Variants in CFAP276 observed in about 807,000 individuals in gnomAD.
The protein encoded by CFAP276 is cilia- and flagella-associated protein 276.
the CFAP276 span, chr1:109,106,723 A>G: frequency 6.5e-7 from 1 of 1,539,226 alleles, no homozygotes; most frequent in Non-Finnish European, 8.9e-7. Context: ...TGAGGAAGGC[A>G]AGGTAGTTGA....
chr1:109,113,558 C>G, the CFAP276 span: 4 of 1,499,126 alleles, frequency 2.7e-6, no homozygotes, highest in Non-Finnish European at 3.7e-6. Flanking sequence ...CTCTTCTAGC[C>G]GGTTGTAAAA....
At chr1:109,108,784 C>T in the CFAP276 span, among the ~76,000 whole-genome samples, 1 of 152,012 alleles carries the variant, frequency 6.6e-6, no homozygotes, top group Admixed American at 6.6e-5. Context: ...TGGAGTCAGG[C>T]CAAAAGGGAA....
the CFAP276 span, chr1:109,107,226 T>A: frequency 6.1e-6 from 5 of 823,610 alleles, no homozygotes; most frequent in Non-Finnish European, 1.0e-5. Flanking sequence ...GTGAAGGCTC[T>A]CTTGGGCCTG....
the CFAP276 span, among the ~76,000 whole-genome samples, chr1:109,107,696 C>T: frequency 4.0e-5 from 6 of 149,360 alleles, no homozygotes; most frequent in Non-Finnish European, 8.8e-5. Flanking sequence ...TGAGATCAGC[C>T]TGAGCAACAT....
chr1:109,106,534 C>G, the CFAP276 span: 4 of 1,613,786 alleles, frequency 2.5e-6, no homozygotes, highest in Non-Finnish European at 3.4e-6. Context: ...CTAACCCTTA[C>G]CTATGGATCC....
chr1:109,106,059 C>G, the CFAP276 span: 1 of 1,613,716 alleles, frequency 6.2e-7, no homozygotes, highest in Non-Finnish European at 8.5e-7. Context: ...ATCTTTCTTT[C>G]GGGAGTAGCC....
At chr1:109,110,199 C>T in the CFAP276 span, among the ~76,000 whole-genome samples, 10 of 152,186 alleles carry the variant, frequency 6.6e-5, no homozygotes, top group East Asian at 1.9e-4. Flanking sequence ...ATTCTGCATA[C>T]GCTCTCTTCT....
the CFAP276 span, chr1:109,106,447 TC>T: frequency 6.7e-7 from 1 of 1,494,144 alleles, no homozygotes; most frequent in Non-Finnish European, 9.1e-7. Flanking sequence ...TTCCCTACTG[TC>T]CAATCACCTT....
chr1:109,112,458 G>C, the CFAP276 span: 2 of 1,237,360 alleles, frequency 1.6e-6, no homozygotes, highest in Non-Finnish European at 2.2e-6. Flanking sequence ...GAGATAGGGA[G>C]GCAGGCAGAA....
At chr1:109,112,715 G>A in the CFAP276 span, 1 of 1,547,050 alleles carries the variant, frequency 6.5e-7, no homozygotes, top group African/African-American at 1.4e-5. Context: ...GGGATGGGAG[G>A]CCCGCTCAGC....
the CFAP276 span, chr1:109,113,811 C>T: frequency 2.1e-6 from 2 of 971,130 alleles, no homozygotes; most frequent in Non-Finnish European, 3.1e-6. Flanking sequence ...GTTCTTCACA[C>T]GAGCCCCGGG....
At chr1:109,108,004 G>C in the CFAP276 span, 9 of 1,583,526 alleles carry the variant, frequency 5.7e-6, no homozygotes, top group African/African-American at 9.6e-5. Flanking sequence ...TCCTGCTGCT[G>C]AGCAAGGTGT....
chr1:109,109,293 C>G, the CFAP276 span, among the ~76,000 whole-genome samples: 1 of 151,520 alleles, frequency 6.6e-6, no homozygotes, highest in African/African-American at 2.4e-5. Context: ...TACTAAAATA[C>G]AAAAATTAGC....
the CFAP276 span, chr1:109,108,008 A>G: frequency 7.6e-6 from 12 of 1,582,500 alleles, no homozygotes; most frequent in Non-Finnish European, 1.0e-5. Flanking sequence ...GCTGCTGAGC[A>G]AGGTGTGTTG....
the CFAP276 span, among the ~76,000 whole-genome samples, chr1:109,111,545 C>T: frequency 6.6e-6 from 1 of 151,958 alleles, no homozygotes; most frequent in Non-Finnish European, 1.5e-5. Context: ...GCATGGTGTA[C>T]ACAGCACACC....
the CFAP276 span, among the ~76,000 whole-genome samples, chr1:109,113,423 A>AGGGAGGGAGGGAGG: frequency 1.6e-5 from 1 of 62,686 alleles, no homozygotes; most frequent in African/African-American, 4.8e-5. Context: ...AGAAAGAGAG[A>AGGGAGGGAGGGAGG]GAGAGAGAGA....
chr1:109,110,420 G>A, the CFAP276 span, among the ~76,000 whole-genome samples: 153 of 152,290 alleles, frequency 1.0e-3, no homozygotes, highest in African/African-American at 3.5e-3. Context: ...CTGTGGCCAG[G>A]TCAGGTGGAT....
At chr1:109,106,484 A>G in the CFAP276 span, 1 of 1,593,226 alleles carries the variant, frequency 6.3e-7, no homozygotes, top group Admixed American at 1.8e-5. Flanking sequence ...GGGTCCATTT[A>G]GAAAGACTCC....
the CFAP276 span, among the ~76,000 whole-genome samples, chr1:109,108,725 C>G: frequency 1.3e-5 from 2 of 152,116 alleles, no homozygotes; most frequent in Non-Finnish European, 2.9e-5. Context: ...TGGAGGAGAG[C>G]TCAGAAGTCT....
Sources: allele counts gnomAD v4.1 joint callset (sites outside exome capture counted in the v4.1 genomes callset), GRCh38; gene constraint gnomAD v4.1.1; transcripts MANE v1.5; gene names NCBI Gene and HGNC (gene_info 2026-07-23, HGNC 2026-07-21).